Variants in ADTRP observed in about 807,000 individuals in gnomAD.
ADTRP encodes the protein androgen dependent TFPI regulating protein, also known as androgen-dependent TFPI-regulating protein.
ADTRP carries 20 observed loss-of-function variants against 27.0 expected under a neutral mutation model. That is an observed-to-expected ratio of 0.74 (90% CI 0.52 to 1.08). The LOEUF is 1.08. ADTRP is among the 50% of genes least tolerant of loss of function. The pLI is 0.00. For synonymous variants in ADTRP, 101 were observed against 105.2 expected, an observed-to-expected ratio of 0.96 and a Z score of 0.25; for missense variants, 251 against 275.0, an observed-to-expected ratio of 0.91 and a Z score of 0.62.
chr6:11,719,674 A>G (rs1011531853), intron 5 of ADTRP, among the ~76,000 whole-genome samples: 9 of 152,298 alleles, frequency 5.9e-5, no homozygotes, highest in Middle Eastern at 3.4e-3. Flanking sequence ...CAGAGATTCC[A>G]GTTGTGTCTC....
At chr6:11,747,069 A>C (rs1762887460) in intron 3 of ADTRP, among the ~76,000 whole-genome samples, 1 of 152,250 alleles carries the variant, frequency 6.6e-6, no homozygotes, top group Non-Finnish European at 1.5e-5. Context: ...CCACTTGCTT[A>C]GAACCCACCA....
At position 11,714,426 on chromosome 6, in the gene ADTRP, G is replaced by GAAAAATCTCTTGTGTTTTCTTCTTTC; in HGVS notation, c.*26_*51dup. The stretch of plus-strand genomic sequence containing the variant: ...CACCAGAAAAAAAAAAAAAAGATGA[G>GAAAAATCTCTTGTGTTTTCTTCTTTC]AAAAATCTCTTGTGTTTTCTTCTTT... On this transcript the variant is annotated 3_prime_UTR_variant, in exon 6 of 6. Coordinates refer to ENST00000414691, the MANE Select transcript of ADTRP (RefSeq NM_032744.4). 3 of 1,554,162 alleles carry GAAAAATCTCTTGTGTTTTCTTCTTTC rather than the reference G, an allele frequency of 1.9e-6. No homozygotes were observed. The highest frequency in any genetic ancestry group is 2.6e-6 in the Non-Finnish European group (3 of 1,145,176).
intron 3 of ADTRP, among the ~76,000 whole-genome samples, chr6:11,738,104 C>A (rs1293654174): frequency 6.6e-6 from 1 of 152,134 alleles, no homozygotes; most frequent in African/African-American, 2.4e-5. Context: ...TAGTCTTTGG[C>A]CCTGGAGAGC....
At chr6:11,768,961 C>G (rs543959398) in intron 1 of ADTRP, among the ~76,000 whole-genome samples, 3 of 152,248 alleles carry the variant, frequency 2.0e-5, no homozygotes, top group African/African-American at 7.2e-5. Context: ...GCAGGCCTCA[C>G]CGAGACAATC....
rs1484899346 is a variant in ADTRP, at chr6:11,770,038, A to G, written c.154-1655T>C. ...ACAAACGAGGAAACAAACCTGCCTA[A>G]AGCTTCCTGGCTGGTAGATGTCAAA... is the stretch of plus-strand genomic sequence containing the variant. On this transcript the variant is annotated intron_variant, in intron 1 of 5. Coordinates refer to ENST00000414691, the MANE Select transcript of ADTRP (RefSeq NM_032744.4). 20 of 1,551,708 alleles carry G rather than the reference A, an allele frequency of 1.3e-5. No individual in the cohort carries two copies. The highest frequency in any genetic ancestry group is 1.7e-4 in the Middle Eastern group (1 of 5,992).
chr6:11,775,613 T>C (rs1054327688), intron 1 of ADTRP, among the ~76,000 whole-genome samples: 8 of 151,982 alleles, frequency 5.3e-5, no homozygotes, highest in African/African-American at 1.9e-4. Context: ...ACCTTCACTC[T>C]CCTTAGTCAG....
In ADTRP at chr6:11,746,476, T is replaced by A. The variant is rs773089531; in HGVS notation, c.391-10793A>T. Among the ~76,000 whole-genome samples the A allele has an allele frequency of 2.4e-4, 37 of 152,312 alleles. 1 individual carries two copies. Among genetic ancestry groups the A allele is most frequent in the Middle Eastern group, 3.4e-3 (1 of 294 alleles). On this transcript the variant is annotated intron_variant, in intron 3 of 5. Coordinates refer to ENST00000414691, the MANE Select transcript of ADTRP (RefSeq NM_032744.4). The stretch of plus-strand genomic sequence containing the variant: ...GATGTTAAGCAGCATCCTTGGCTTC[T>A]ACCTAGTAGCAAGCCTTCCCCACTC...
intron 3 of ADTRP, among the ~76,000 whole-genome samples, chr6:11,737,644 G>A (rs1472368358): frequency 6.6e-6 from 1 of 152,194 alleles, no homozygotes; most frequent in Non-Finnish European, 1.5e-5. Context: ...GTACAGGGCA[G>A]CACTGGGTGA....
At chr6:11,722,513 C>T (rs1581309962) in intron 5 of ADTRP, among the ~76,000 whole-genome samples, 1 of 152,062 alleles carries the variant, frequency 6.6e-6, no homozygotes, top group Non-Finnish European at 1.5e-5. Context: ...TGACTCTTTG[C>T]CATCCTTATA....
chr6:11,723,566 G>T (rs1445161101), intron 4 of ADTRP, 66 bp from the exon 5 acceptor site: 2 of 1,568,734 alleles, frequency 1.3e-6, no homozygotes, highest in East Asian at 2.2e-5. Context: ...TTCTCATCAG[G>T]ATTAATGAGG....
At chr6:11,746,108 G>A (rs575596318) in intron 3 of ADTRP, among the ~76,000 whole-genome samples, 110 of 151,800 alleles carry the variant, frequency 7.2e-4, no homozygotes, top group African/African-American at 2.6e-3. Flanking sequence ...TTTTTTTCTT[G>A]CTAAGAATCC....
rs201245179 is a variant in ADTRP, at chr6:11,758,627, G to A, written c.390+7647C>T. On this transcript the variant is annotated intron_variant, in intron 3 of 5. Coordinates refer to ENST00000414691, the MANE Select transcript of ADTRP (RefSeq NM_032744.4). ...AGGTATACCTAATGCTAAATGACGA[G>A]TTAATGGGTGCAGCACACCAACATG... 4.8e-4 allele frequency among the ~76,000 whole-genome samples: 71 copies of A among 147,942 alleles called. No homozygotes were observed. The East Asian group carries it at 0.013, about 27-fold the overall frequency.
At chr6:11,773,498 C>T (rs1763853275) in intron 1 of ADTRP, among the ~76,000 whole-genome samples, 2 of 152,182 alleles carry the variant, frequency 1.3e-5, no homozygotes, top group African/African-American at 4.8e-5. Flanking sequence ...TCCGGGAGTG[C>T]AGCATTTGCA....
At chr6:11,769,969 C>G (rs144530104) in intron 1 of ADTRP, 133 of 1,510,876 alleles carry the variant, frequency 8.8e-5, no homozygotes, top group Middle Eastern at 5.1e-4. Context: ...AACAACCTTA[C>G]GAGCCAAGTC....
In ADTRP at chr6:11,736,282, T is replaced by C. The variant is rs148016930; in HGVS notation, c.391-599A>G. The C allele has an allele frequency of 5.4e-3, 821 of 153,408 alleles. 10 individuals carry two copies. The highest frequency in any genetic ancestry group is 0.019 in the African/African-American group (790 of 41,522). The allele number at this position is 153,408 out of a possible 1,614,324, so 9.5% of individuals were successfully genotyped here. A position where few individuals can be genotyped will look rare whatever the true frequency, so the allele number is the denominator to read the frequency against. On this transcript the variant is annotated intron_variant, in intron 3 of 5. Coordinates refer to ENST00000414691, the MANE Select transcript of ADTRP (RefSeq NM_032744.4). ...ACTCTCATAAACATTCACACATTCATGCACAAACATGCACACTCGCACTCA... is the reference window on the plus strand; with the variant it reads ...ACTCTCATAAACATTCACACATTCACGCACAAACATGCACACTCGCACTCA...
rs200644311 is a variant in ADTRP, at chr6:11,723,390, C to A, written c.617G>T (p.Ser206Ile). 2.7e-5 allele frequency: 44 copies of A among 1,614,012 alleles called. 1 individual carries two copies. Among genetic ancestry groups the A allele is most frequent in the African/African-American group, 4.0e-5 (3 of 74,894 alleles). ...FFSLSYVFIA[S>I]IYLLGEKLNH... ...GAGCTTCTCTCCAAGTAGGTAGATGCTGGCGATGAAGACGTAGCTGAGAGA... is the reference window on the plus strand; with the variant it reads ...GAGCTTCTCTCCAAGTAGGTAGATGATGGCGATGAAGACGTAGCTGAGAGA... Residue 206 changes from serine to isoleucine, a missense_variant, in exon 5 of 6, where the codon AGC becomes ATC. Transcript: ENST00000414691.
chr6:11,778,463 CA>C lies in ADTRP; in HGVS notation c.153+143del, dbSNP rs1381324348. On this transcript the variant is annotated intron_variant, in intron 1 of 5. Transcript: ENST00000414691. Reference sequence around the variant, plus strand: ...TTATCAGAGCAAATTGTTAAGTAAACAAAAAACCCAAAACTCACAAAACGGT... The same window carrying C: ...TTATCAGAGCAAATTGTTAAGTAAACAAAAACCCAAAACTCACAAAACGGT... The C allele has an allele frequency of 3.3e-5, 40 of 1,208,516 alleles. 1 individual carries two copies. The highest frequency in any genetic ancestry group is 4.0e-4 in the Middle Eastern group (2 of 4,948). The allele number at this position is 1,208,516 out of a possible 1,614,324, so 74.9% of individuals were successfully genotyped here. A position where few individuals can be genotyped will look rare whatever the true frequency, so the allele number is the denominator to read the frequency against.
chr6:11,761,657 C>A (rs943463881), intron 3 of ADTRP, among the ~76,000 whole-genome samples: 4 of 152,098 alleles, frequency 2.6e-5, no homozygotes, highest in African/African-American at 9.7e-5. Context: ...TTGATTTGAA[C>A]TCAGCAATGG....
intron 5 of ADTRP, among the ~76,000 whole-genome samples, chr6:11,716,975 C>T (rs1761853782): frequency 6.6e-6 from 1 of 151,414 alleles, no homozygotes; most frequent in Non-Finnish European, 1.5e-5. Flanking sequence ...ATCCACCCGC[C>T]TCGGCCTCCC....
Sources: gnomAD v4.1 joint callset for allele counts (sites outside exome capture counted in the v4.1 genomes callset) on GRCh38, gnomAD v4.1.1 for gene constraint, MANE v1.5 for transcripts, NCBI Gene and HGNC (gene_info 2026-07-23, HGNC 2026-07-21) for gene names.